Variants in SEMA3C observed in about 807,000 individuals in gnomAD.
SEMA3C encodes semaphorin-3C.
Under a neutral mutation model 89.4 loss-of-function variants are expected in SEMA3C, and 47 were observed. The ratio of observed to expected loss-of-function variants is 0.53; its 90% CI spans 0.42 to 0.67. SEMA3C has a LOEUF of 0.67. SEMA3C is among the 30% of genes least tolerant of loss of function. SEMA3C has a pLI of 0.00. For missense variants in SEMA3C, 839 were observed against 929.1 expected, an observed-to-expected ratio of 0.90 and a Z score of 1.26; for synonymous variants, 310 against 320.2, an observed-to-expected ratio of 0.97 and a Z score of 0.34.
intron 2 of SEMA3C, among the ~76,000 whole-genome samples, 193 bp from the exon 3 acceptor site, chr7:80,828,938 TG>T (rs1789945864): frequency 6.6e-6 from 1 of 152,284 alleles, no homozygotes; most frequent in Admixed American, 6.5e-5. Context: ...AAAGGTATGA[TG>T]GTCACCTGAA....
In SEMA3C at chr7:80,765,169, G is replaced by C; in HGVS notation, c.1429C>G (p.Leu477Val). The change falls in exon 13 of 18, where the codon CTG becomes GTG. Residue 477 changes from leucine (L) to valine (V), a missense_variant. Coordinates refer to ENST00000265361, the MANE Select transcript of SEMA3C (RefSeq NM_006379.5). ...SVSGELILEE[L>V]EVFKNHAPIT... ...GATGTTCAAACCTTAAAGACTTCCA[G>C]CTCCTCCAGAATGAGCTCGCCACTG... The C allele has an allele frequency of 6.2e-7, 1 of 1,612,970 alleles. No individual in the cohort carries two copies. Among genetic ancestry groups the C allele is most frequent in the East Asian group, 2.2e-5 (1 of 44,798 alleles).
At chr7:80,814,421 AT>A (rs1176749597) in intron 5 of SEMA3C, among the ~76,000 whole-genome samples, 3 of 151,842 alleles carry the variant, frequency 2.0e-5, no homozygotes, top group Non-Finnish European at 2.9e-5. Context: ...TTGTAAGTTC[AT>A]GTTCCTCTAA....
Position 80,758,503 on chromosome 7 carries a change from A to G in SEMA3C, c.1486-15T>C, listed in dbSNP as rs560716518. ...TACAACTGTTGCTATTAAAGGAATG[A>G]TGATGATTTATTTCAGATGTGGAAG... On this transcript the variant is annotated splice_polypyrimidine_tract_variant and intron_variant, in intron 14 of 17. Transcript: ENST00000265361. The G allele has an allele frequency of 6.2e-7, 1 of 1,612,120 alleles. No individual in the cohort carries two copies. Among genetic ancestry groups the G allele is most frequent in the Non-Finnish European group, 8.5e-7 (1 of 1,178,412 alleles).
chr7:80,781,795 T>C (rs1583872154), intron 12 of SEMA3C, among the ~76,000 whole-genome samples: 1 of 152,040 alleles, frequency 6.6e-6, no homozygotes, highest in East Asian at 1.9e-4. Context: ...CACCAGAGGG[T>C]TAAATAGGGG....
chr7:80,916,737 A>G lies in SEMA3C; in HGVS notation c.45T>C (p.Cys15=). ...GGGAAGATCCTTTCACACAGATAGA[A>G]CAAATAAATACTCCAACCAACACGC... ...TICVLVGVFI[C]SICVKGSSQP... is the part of the protein sequence containing the mutation. The change falls in exon 2 of 18, where the codon TGT becomes TGC. Residue 15 remains cysteine (C), a synonymous_variant. Transcript: ENST00000265361. 6.2e-7 allele frequency: 1 copy of G among 1,613,752 alleles called. No homozygotes were observed. The highest frequency in any genetic ancestry group is 8.5e-7 in the Non-Finnish European group (1 of 1,179,750).
intron 2 of SEMA3C, among the ~76,000 whole-genome samples, chr7:80,879,390 A>G (rs1791280856): frequency 6.6e-6 from 1 of 152,130 alleles, no homozygotes; most frequent in East Asian, 1.9e-4. Flanking sequence ...ACCTTCACAA[A>G]AGGGGCATGT....
chr7:80,884,887 T>G (rs1431585829), intron 2 of SEMA3C, among the ~76,000 whole-genome samples: 1 of 152,168 alleles, frequency 6.6e-6, no homozygotes, highest in Non-Finnish European at 1.5e-5. Context: ...TGTAAAGAAC[T>G]GGAGAATAAT....
intron 6 of SEMA3C, among the ~76,000 whole-genome samples, chr7:80,809,470 T>A (rs1214748754): frequency 1.3e-5 from 2 of 152,194 alleles, no homozygotes; most frequent in East Asian, 3.9e-4. Flanking sequence ...ATATGGTGAT[T>A]CTACTTTTAG....
chr7:80,761,165 A>G (rs1360357464), intron 14 of SEMA3C, among the ~76,000 whole-genome samples: 1 of 152,132 alleles, frequency 6.6e-6, no homozygotes, highest in Non-Finnish European at 1.5e-5. Flanking sequence ...ATTTCCTTAA[A>G]AATAAGCATA....
chr7:80,829,860 G>A (rs182995120), intron 2 of SEMA3C, among the ~76,000 whole-genome samples: 22 of 152,264 alleles, frequency 1.4e-4, no homozygotes, highest in Admixed American at 3.3e-4. Context: ...ATTATAATCT[G>A]AAGAATGACA....
intron 2 of SEMA3C, among the ~76,000 whole-genome samples, chr7:80,829,884 A>G (rs1471909325): frequency 6.6e-6 from 1 of 152,202 alleles, no homozygotes; most frequent in Non-Finnish European, 1.5e-5. Flanking sequence ...TCTAAGAAAG[A>G]GTCTGCTTTC....
At chr7:80,766,898 T>G (rs77855137) in intron 12 of SEMA3C, among the ~76,000 whole-genome samples, 1,852 of 152,168 alleles carry the variant, frequency 0.012, 17 homozygotes, top group Non-Finnish European at 0.02. Flanking sequence ...TGGGCACAAC[T>G]CCAGTAAACA....
chr7:80,828,800 T>A, intron 2 of SEMA3C, 55 bp from the exon 3 acceptor site: 1 of 1,293,550 alleles, frequency 7.7e-7, no homozygotes, highest in Non-Finnish European at 1.1e-6. Flanking sequence ...TATAATTCTA[T>A]TATTTTAATA....
intron 12 of SEMA3C, among the ~76,000 whole-genome samples, chr7:80,773,442 A>G (rs1245121598): frequency 6.6e-6 from 1 of 152,216 alleles, no homozygotes; most frequent in Admixed American, 6.5e-5. Context: ...CAATATGACC[A>G]TTAACCATGA....
chr7:80,869,934 C>G (rs1791016382), intron 2 of SEMA3C, among the ~76,000 whole-genome samples: 2 of 152,132 alleles, frequency 1.3e-5, no homozygotes, highest in Admixed American at 6.5e-5. Context: ...CTCTGCTCAC[C>G]AATTCTTCCT....
chr7:80,841,462 C>T (rs1471738458), intron 2 of SEMA3C, among the ~76,000 whole-genome samples: 4 of 152,106 alleles, frequency 2.6e-5, no homozygotes, highest in Non-Finnish European at 4.4e-5. Flanking sequence ...GCAAACTTTC[C>T]TTGCAGACCA....
intron 2 of SEMA3C, among the ~76,000 whole-genome samples, chr7:80,832,731 T>A (rs1472904517): frequency 6.6e-6 from 1 of 152,088 alleles, no homozygotes; most frequent in East Asian, 1.9e-4. Flanking sequence ...CAAGCAGAAA[T>A]GTAGAAAAAA....
chr7:80,772,895 T>C (rs1035619279), intron 12 of SEMA3C, among the ~76,000 whole-genome samples: 1 of 152,124 alleles, frequency 6.6e-6, no homozygotes, highest in South Asian at 2.1e-4. Context: ...GGCTTTCAGA[T>C]TACCTCACTC....
intron 5 of SEMA3C, among the ~76,000 whole-genome samples, chr7:80,817,435 C>G (rs899727569): frequency 2.6e-4 from 40 of 151,662 alleles, no homozygotes; most frequent in Non-Finnish European, 7.4e-5. Context: ...ATAATAAAAC[C>G]AAACCAAGTT....
Sources: gnomAD v4.1 joint callset for allele counts (sites outside exome capture counted in the v4.1 genomes callset) on GRCh38, gnomAD v4.1.1 for gene constraint, MANE v1.5 for transcripts, NCBI Gene and HGNC (gene_info 2026-07-23, HGNC 2026-07-21) for gene names.